The following NTNG1 variants were observed in gnomAD, a reference collection of about 807,000 sequenced individuals.
NTNG1 encodes netrin G1.
NTNG1 carries 16 observed loss-of-function variants against 54.0 expected under a neutral mutation model. The observed-to-expected ratio is 0.30, with a 90% CI of 0.20 to 0.45. NTNG1 has a LOEUF of 0.45. NTNG1 is among the 20% of genes least tolerant of loss of function. The pLI is 1.00. For synonymous variants in NTNG1, 255 were observed against 263.1 expected (o/e 0.97, Z 0.30); for missense variants, 530 against 678.7 (o/e 0.78, Z 2.43).
intron 7 of NTNG1, among the ~76,000 whole-genome samples, chr1:107,469,673 T>C (rs1331901328): frequency 6.6e-6 from 1 of 151,928 alleles, no homozygotes; most frequent in African/African-American, 2.4e-5. Flanking sequence ...TGGCTGGTCT[T>C]GAACTCCTGA....
chr1:107,405,179 A>G (rs1293898567), intron 4 of NTNG1, among the ~76,000 whole-genome samples: 1 of 152,146 alleles, frequency 6.6e-6, no homozygotes, highest in African/African-American at 2.4e-5. Flanking sequence ...ACCACAAACA[A>G]GGTATTTGGA....
chr1:107,188,319 T>C (rs1657627880), intron 2 of NTNG1, among the ~76,000 whole-genome samples: 1 of 152,148 alleles, frequency 6.6e-6, no homozygotes, highest in Non-Finnish European at 1.5e-5. Flanking sequence ...CTTGGATGTC[T>C]TGTCTCAGTC....
chr1:107,364,354 CTTA>C (rs1670464805), intron 3 of NTNG1, among the ~76,000 whole-genome samples: 1 of 152,150 alleles, frequency 6.6e-6, no homozygotes, highest in Non-Finnish European at 1.5e-5. Flanking sequence ...AAGCTATTCA[CTTA>C]TTATTAAACT....
At chr1:107,229,148 G>C (rs565582722) in intron 2 of NTNG1, among the ~76,000 whole-genome samples, 1 of 151,996 alleles carries the variant, frequency 6.6e-6, no homozygotes, top group South Asian at 2.1e-4. Flanking sequence ...CTGGCTGCAA[G>C]TCTAGGAAAG....
chr1:107,146,074 G>A (rs1037820468), intron 1 of NTNG1, among the ~76,000 whole-genome samples: 1 of 151,996 alleles, frequency 6.6e-6, no homozygotes. Flanking sequence ...AAAAAAGAAA[G>A]TGAAGACTAA....
chr1:107,199,340 A>G (rs1023128076), intron 2 of NTNG1, among the ~76,000 whole-genome samples: 1 of 20,900 alleles, frequency 4.8e-5, no homozygotes, highest in African/African-American at 5.2e-5. Context: ...TATTTAGGCC[A>G]TAAAAAAAAT....
chr1:107,296,301 G>A (rs1304537351), intron 2 of NTNG1, among the ~76,000 whole-genome samples: 2 of 152,102 alleles, frequency 1.3e-5, no homozygotes, highest in Non-Finnish European at 2.9e-5. Flanking sequence ...CTTTTCAGTG[G>A]AAGGAATCAT....
chr1:107,350,118 T>C (rs912906666), intron 3 of NTNG1, among the ~76,000 whole-genome samples: 1 of 152,184 alleles, frequency 6.6e-6, no homozygotes, highest in African/African-American at 2.4e-5. Flanking sequence ...TAATAAGTTG[T>C]GGTTCTGATT....
intron 2 of NTNG1, among the ~76,000 whole-genome samples, chr1:107,322,233 G>A (rs1185369868): frequency 6.6e-6 from 1 of 152,062 alleles, no homozygotes; most frequent in Non-Finnish European, 1.5e-5. Flanking sequence ...GCAAACAAAT[G>A]TTATCTTTCA....
At chr1:107,455,522 T>C (rs1219484168) in intron 7 of NTNG1, 2 of 425,846 alleles carry the variant, frequency 4.7e-6, no homozygotes, top group African/African-American at 2.0e-5. Flanking sequence ...TCAACAGCTG[T>C]GTTAGTGTGC....
intron 2 of NTNG1, among the ~76,000 whole-genome samples, chr1:107,235,098 G>A (rs1402660794): frequency 6.6e-6 from 1 of 152,140 alleles, no homozygotes; most frequent in African/African-American, 2.4e-5. Context: ...AAAAGGTTAG[G>A]TAATTTTCCC....
chr1:107,411,998 C>T (rs1000757181), intron 5 of NTNG1, among the ~76,000 whole-genome samples: 1 of 152,146 alleles, frequency 6.6e-6, no homozygotes, highest in East Asian at 1.9e-4. Context: ...TTTTTAAAAT[C>T]CAATAAGTTT....
At chr1:107,244,974 G>T in intron 2 of NTNG1, among the ~76,000 whole-genome samples, 1 of 152,160 alleles carries the variant, frequency 6.6e-6, no homozygotes, top group East Asian at 1.9e-4. Context: ...TGCTGATACT[G>T]ATAGAGCCAT....
At chr1:107,240,446 T>C (rs913772305) in intron 2 of NTNG1, among the ~76,000 whole-genome samples, 4 of 152,166 alleles carry the variant, frequency 2.6e-5, no homozygotes, top group Admixed American at 6.5e-5. Context: ...CCTTTGGGAC[T>C]GAGGGGCCAC....
At chr1:107,302,987 C>T (rs1666417800) in intron 2 of NTNG1, among the ~76,000 whole-genome samples, 1 of 152,130 alleles carries the variant, frequency 6.6e-6, no homozygotes, top group Admixed American at 6.6e-5. Context: ...GTAAATATTT[C>T]CCCCTACCTT....
At chr1:107,298,607 C>G (rs778727887) in intron 2 of NTNG1, among the ~76,000 whole-genome samples, 1 of 152,156 alleles carries the variant, frequency 6.6e-6, no homozygotes, top group Non-Finnish European at 1.5e-5. Context: ...TCTATTGCAT[C>G]AATCCTAAAT....
chr1:107,418,511 A>G (rs1037794104), intron 5 of NTNG1: 10 of 1,078,784 alleles, frequency 9.3e-6, no homozygotes, highest in Non-Finnish European at 1.3e-5. Context: ...TATCCATATA[A>G]TTTTCTGTTT....
chr1:107,334,386 A>G (rs924643422), intron 3 of NTNG1, among the ~76,000 whole-genome samples: 5 of 151,910 alleles, frequency 3.3e-5, no homozygotes, highest in Non-Finnish European at 7.4e-5. Flanking sequence ...AAGCTGTTAT[A>G]ACATATTGAT....
chr1:107,205,232 G>A (rs1475543101), intron 2 of NTNG1, among the ~76,000 whole-genome samples: 2 of 152,156 alleles, frequency 1.3e-5, no homozygotes, highest in East Asian at 3.8e-4. Flanking sequence ...TGGCTTCAGA[G>A]TTTATAGCTT....
Sources: allele counts gnomAD v4.1 joint callset (sites outside exome capture counted in the v4.1 genomes callset), GRCh38; gene constraint gnomAD v4.1.1; transcripts MANE v1.5; gene names NCBI Gene and HGNC (gene_info 2026-07-23, HGNC 2026-07-21).